PIEZO2: variants seen among roughly 807,000 people sequenced by gnomAD.
PIEZO2 encodes the protein piezo-type mechanosensitive ion channel component 2.
A neutral mutation model predicts 337.3 loss-of-function variants in PIEZO2; 172 were observed. That is an observed-to-expected ratio of 0.51 (90% CI 0.45 to 0.58). The LOEUF is 0.58. Ranked by LOEUF, PIEZO2 falls within the 20% of genes least tolerant of loss-of-function variation. PIEZO2 has a pLI of 0.00. For synonymous variants in PIEZO2, 1,251 were observed against 1,228.5 expected (o/e 1.02, Z -0.38); for missense variants, 3,028 against 3,391.3 (o/e 0.89, Z 2.66).
At chr18:10,998,281 C>T (rs568190226) in intron 2 of PIEZO2, among the ~76,000 whole-genome samples, 1 of 151,930 alleles carries the variant, frequency 6.6e-6, no homozygotes, top group Admixed American at 6.6e-5. Context: ...CAAAAAAACA[C>T]GTGGAATTCA....
In PIEZO2 at chr18:11,128,230, C is replaced by G. The variant is rs1053870853; in HGVS notation, c.64+20295G>C. Among the ~76,000 whole-genome samples, 1 of 152,108 alleles carries G rather than the reference C, an allele frequency of 6.6e-6. No individual in the cohort carries two copies. Among genetic ancestry groups the G allele is most frequent in the Non-Finnish European group, 1.5e-5 (1 of 68,008 alleles). On this transcript the variant is annotated intron_variant, in intron 1 of 55. Transcript: ENST00000674853. This position sits in a 1 kb window ranked among gnomAD's most constrained non-coding sequence, Gnocchi z 4.1. ...ATGATGAACTCAGGGATTCTGTCTC[C>G]AGGCTTCAGAAGCACATACTGAGCC...
At position 10,704,592 on chromosome 18, in the gene PIEZO2, A is replaced by C; in HGVS notation, c.6060T>G (p.Phe2020Leu). ...TGTACATGGCATAGAAGAGCAGCAG[A>C]AATCGGGGCTGCCCCACGTAGAATT... Reference protein sequence around the residue: ...SEKFYVGQPRFLLLFYAMYNT... With the variant: ...SEKFYVGQPRLLLLFYAMYNT... The change falls in exon 42 of 56, where the codon TTT becomes TTG. Residue 2020 changes from phenylalanine to leucine, a missense_variant. This residue lies in a region of PIEZO2 where 1,925 missense variants were observed against 2,051.9 expected (regional missense o/e 0.94). Transcript: ENST00000674853. 6.5e-7 allele frequency: 1 copy of C among 1,537,294 alleles called. No homozygotes were observed. Among genetic ancestry groups the C allele is most frequent in the South Asian group, 1.2e-5 (1 of 84,066 alleles).
At chr18:10,960,556 CTT>C (rs5823126) in intron 3 of PIEZO2, among the ~76,000 whole-genome samples, 2,879 of 145,972 alleles carry the variant, frequency 0.02, 103 homozygotes, top group African/African-American at 0.066. Context: ...GCCACAAAGA[CTT>C]TTTTTTTTTT....
chr18:10,900,857 C>G (rs1598653437), intron 4 of PIEZO2, among the ~76,000 whole-genome samples: 1 of 152,184 alleles, frequency 6.6e-6, no homozygotes, highest in Non-Finnish European at 1.5e-5. Flanking sequence ...TGCCTAAAAT[C>G]CTTTCAATTC....
At chr18:11,130,473 G>A (rs1169928361) in intron 1 of PIEZO2, among the ~76,000 whole-genome samples, 3 of 152,188 alleles carry the variant, frequency 2.0e-5, no homozygotes, top group Non-Finnish European at 2.9e-5. Context: ...CCGGCTTTGT[G>A]TCATAATCTT....
intron 1 of PIEZO2, among the ~76,000 whole-genome samples, chr18:11,076,412 A>T (rs1184325912): frequency 6.6e-6 from 1 of 152,182 alleles, no homozygotes; most frequent in Non-Finnish European, 1.5e-5. Context: ...TTTGAAACCA[A>T]TCTAAGGAAA....
At chr18:10,897,515 T>C (rs567664069) in intron 4 of PIEZO2, among the ~76,000 whole-genome samples, 12 of 152,256 alleles carry the variant, frequency 7.9e-5, no homozygotes, top group African/African-American at 2.9e-4. Context: ...ATAAGGGGTT[T>C]CACCTTTCAC....
intron 21 of PIEZO2, among the ~76,000 whole-genome samples, chr18:10,764,049 T>A (rs1162873633): frequency 1.3e-5 from 2 of 152,180 alleles, no homozygotes; most frequent in Non-Finnish European, 2.9e-5. Flanking sequence ...AGCTTGAACC[T>A]GTTGACTTTG....
In PIEZO2 at chr18:10,754,334, C is replaced by T. The variant is rs193032917; in HGVS notation, c.3924-1455G>A. ...ACTTTCCAGAGATCCCAGGGTGCTG[C>T]GGAGCTGACCCCTGTTGGAGAGGAA... is the stretch of plus-strand genomic sequence containing the variant. On this transcript the variant is annotated intron_variant, in intron 27 of 55. Coordinates refer to ENST00000674853, the MANE Select transcript of PIEZO2 (RefSeq NM_001378183.1). 1.2e-3 allele frequency among the ~76,000 whole-genome samples: 190 copies of T among 152,302 alleles called. 3 individuals carry two copies. Among genetic ancestry groups the T allele is most frequent in the Admixed American group, 9.1e-3 (139 of 15,294 alleles).
intron 4 of PIEZO2, among the ~76,000 whole-genome samples, chr18:10,886,399 T>TACACACAC (rs2042599065): frequency 4.2e-5 from 2 of 47,106 alleles, no homozygotes; most frequent in African/African-American, 2.5e-4. Context: ...TATATATATA[T>TACACACAC]ATATATATAT....
At chr18:11,118,721 C>A (rs1490227036) in intron 1 of PIEZO2, among the ~76,000 whole-genome samples, 1 of 150,800 alleles carries the variant, frequency 6.6e-6, no homozygotes, top group Non-Finnish European at 1.5e-5. Flanking sequence ...ATAAGTTGGT[C>A]AAATGAAAAT....
In PIEZO2 at chr18:11,134,991, C is replaced by G. The variant is rs76482147; in HGVS notation, c.64+13534G>C. On this transcript the variant is annotated intron_variant, in intron 1 of 55. Coordinates refer to ENST00000674853, the MANE Select transcript of PIEZO2 (RefSeq NM_001378183.1). ...CCTCTAATATTGACCCCCCACCCCA[C>G]CCACGGTGTTGTGTAATTGTTAAGG... 9.4e-3 allele frequency among the ~76,000 whole-genome samples: 1,423 copies of G among 151,434 alleles called. 27 individuals carry two copies. Among genetic ancestry groups the G allele is most frequent in the African/African-American group, 0.032 (1,315 of 41,238 alleles).
Position 10,752,838 on chromosome 18 carries a change from A to G in PIEZO2, c.3965T>C (p.Leu1322Pro). The G allele has an allele frequency of 6.5e-7, 1 of 1,537,122 alleles. No homozygotes were observed. Among genetic ancestry groups the G allele is most frequent in the Non-Finnish European group, 8.7e-7 (1 of 1,146,894 alleles). ...GATGATGGTGAGCACAAACCAGAAG[A>G]GGTAGCTGAAGATGATCACTTTGGA... ...DMSKVIIFSY[L>P]FWFVLTIIFI... The change falls in exon 28 of 56, where the codon CTC becomes CCC. Residue 1322 changes from leucine (L) to proline (P), a missense_variant. Coordinates refer to ENST00000674853, the MANE Select transcript of PIEZO2 (RefSeq NM_001378183.1).
In PIEZO2 at chr18:10,894,604, A is replaced by C. The variant is rs538773265; in HGVS notation, c.329+16582T>G. On this transcript the variant is annotated intron_variant, in intron 4 of 55. Coordinates refer to ENST00000674853, the MANE Select transcript of PIEZO2 (RefSeq NM_001378183.1). This position sits in a 1 kb window ranked among gnomAD's most constrained non-coding sequence, Gnocchi z 4.1. The stretch of plus-strand genomic sequence containing the variant: ...CCCAAGTGCGGGCAGGCAGCTGTGC[A>C]TGTGGGCAGCCCACCCCAAAGGAAG... 2 of 152,274 alleles carry C rather than the reference A, an allele frequency of 1.3e-5. No individual in the cohort carries two copies. The highest frequency in any genetic ancestry group is 4.8e-5 in the African/African-American group (2 of 41,462). 9.4% of individuals were successfully genotyped at this position (152,274 alleles called of 1,614,324 possible).
intron 7 of PIEZO2, among the ~76,000 whole-genome samples, chr18:10,823,215 A>G (rs199572151): frequency 6.6e-6 from 1 of 150,976 alleles, no homozygotes; most frequent in Non-Finnish European, 1.5e-5. Context: ...TTATTTATGT[A>G]TTAACATTTT....
In PIEZO2 at chr18:10,673,086, C is replaced by T. The variant is rs534197296; in HGVS notation, c.8162-213G>A. On this transcript the variant is annotated intron_variant, in intron 54 of 55. Transcript: ENST00000674853. This position sits in a 1 kb window ranked among gnomAD's most constrained non-coding sequence, Gnocchi z 4.8. Reference sequence around the variant, plus strand: ...TTCCTTTTCAGTGAGAGAGGTCAGCCGCTGTTGCTACATGGGCATGGCAGC... The same window carrying T: ...TTCCTTTTCAGTGAGAGAGGTCAGCTGCTGTTGCTACATGGGCATGGCAGC... Among the ~76,000 whole-genome samples, 120 of 152,192 alleles carry T rather than the reference C, an allele frequency of 7.9e-4. No individual in the cohort carries two copies. The highest frequency in any genetic ancestry group is 1.2e-3 in the South Asian group (6 of 4,816).
chr18:10,775,838 C>T lies in PIEZO2; in HGVS notation c.2535-1800G>A, dbSNP rs2038765246. 6.6e-6 allele frequency among the ~76,000 whole-genome samples: 1 copy of T among 152,100 alleles called. No individual in the cohort carries two copies. Among genetic ancestry groups the T allele is most frequent in the African/African-American group, 2.4e-5 (1 of 41,422 alleles). On this transcript the variant is annotated intron_variant, in intron 18 of 55. Transcript: ENST00000674853. This position sits in a 1 kb window ranked among gnomAD's most constrained non-coding sequence, Gnocchi z 4.3. ...ATCTCTGCATCCAACACTGCTCATT[C>T]CCTCTGACCTTAGAGCCACAAACTC... is the stretch of plus-strand genomic sequence containing the variant.
intron 2 of PIEZO2, among the ~76,000 whole-genome samples, chr18:11,039,777 A>C (rs28736844): frequency 1.4e-3 from 122 of 84,738 alleles, no homozygotes; most frequent in African/African-American, 6.0e-3. Flanking sequence ...CACACACACA[A>C]AATTTCTTCC....
At chr18:10,841,583 T>A (rs1412481683) in intron 7 of PIEZO2, among the ~76,000 whole-genome samples, 1 of 152,058 alleles carries the variant, frequency 6.6e-6, no homozygotes, top group African/African-American at 2.4e-5. Flanking sequence ...CAACTGAGAG[T>A]TCTGTATCTG....
Sources: allele counts gnomAD v4.1 joint callset (sites outside exome capture counted in the v4.1 genomes callset), GRCh38; gene constraint gnomAD v4.1.1; regional missense constraint gnomAD v4.1.1; non-coding constraint Gnocchi (gnomAD v3.1); transcripts MANE v1.5; gene names NCBI Gene and HGNC (gene_info 2026-07-23, HGNC 2026-07-21).